Variants in CNTNAP2 observed in about 807,000 individuals in gnomAD.
CNTNAP2 encodes the protein contactin associated protein 2, also known as contactin-associated protein-like 2.
Under a neutral mutation model 155.2 loss-of-function variants are expected in CNTNAP2, and 98 were observed. That is an observed-to-expected ratio of 0.63 (90% CI 0.54 to 0.75). The LOEUF (loss-of-function observed/expected upper bound fraction) is 0.75, where lower values mean the gene tolerates loss of function less well. Among genes scored for constraint, CNTNAP2 ranks in the 30% least tolerant of loss-of-function variants. The probability of loss-of-function intolerance (pLI) is 0.00; values close to 1 mark genes in which losing one functional copy is unlikely to be tolerated. For synonymous variants in CNTNAP2, 651 were observed against 631.2 expected (o/e 1.03, Z -0.47); for missense variants, 1,727 against 1,688.1 (o/e 1.02, Z -0.40).
chr7:147,273,852 A>C (rs1804824503), intron 8 of CNTNAP2, among the ~76,000 whole-genome samples: 1 of 147,630 alleles, frequency 6.8e-6, no homozygotes, highest in Admixed American at 6.8e-5. Flanking sequence ...TTAAACATAT[A>C]TAAATATATA....
At chr7:146,222,812 C>T (rs534418435) in intron 1 of CNTNAP2, among the ~76,000 whole-genome samples, 45 of 151,778 alleles carry the variant, frequency 3.0e-4, no homozygotes, top group African/African-American at 7.5e-4. Flanking sequence ...CCCGCCACCA[C>T]GCCCAGCTAA....
intron 1 of CNTNAP2, among the ~76,000 whole-genome samples, chr7:146,677,174 C>T (rs534077958): frequency 3.9e-5 from 6 of 152,138 alleles, no homozygotes; most frequent in South Asian, 2.1e-4. Context: ...CCATGTTATA[C>T]GTGGAACTGG....
chr7:147,204,035 G>C (rs1027724371), intron 8 of CNTNAP2, among the ~76,000 whole-genome samples: 1 of 151,812 alleles, frequency 6.6e-6, no homozygotes, highest in African/African-American at 2.4e-5. Flanking sequence ...GTAATGTAAA[G>C]CTCTTAACTT....
intron 10 of CNTNAP2, among the ~76,000 whole-genome samples, chr7:147,397,508 A>G (rs1780303963): frequency 2.0e-5 from 3 of 152,084 alleles, no homozygotes; most frequent in South Asian, 4.2e-4. Context: ...GCTAGGTAAT[A>G]TGTTGCTGTT....
intron 3 of CNTNAP2, among the ~76,000 whole-genome samples, chr7:147,000,753 G>A (rs1030175478): frequency 6.6e-6 from 1 of 152,124 alleles, no homozygotes; most frequent in Non-Finnish European, 1.5e-5. Context: ...TGTGCTTGAA[G>A]CCCATAGTTG....
chr7:147,216,396 G>A (rs959880216), intron 8 of CNTNAP2, among the ~76,000 whole-genome samples: 1 of 151,972 alleles, frequency 6.6e-6, no homozygotes, highest in East Asian at 1.9e-4. Flanking sequence ...ACTATTTTCT[G>A]TGTGGATGTC....
At chr7:147,077,463 C>T (rs770691408) in intron 4 of CNTNAP2, among the ~76,000 whole-genome samples, 4 of 152,224 alleles carry the variant, frequency 2.6e-5, no homozygotes, top group South Asian at 2.1e-4. Context: ...GGTGATGAGC[C>T]GTTTCATATT....
intron 8 of CNTNAP2, among the ~76,000 whole-genome samples, chr7:147,213,510 T>G (rs906490497): frequency 3.3e-5 from 5 of 152,090 alleles, no homozygotes; most frequent in Admixed American, 1.3e-4. Flanking sequence ...CAATGCATTT[T>G]TCTCACAAAT....
chr7:148,223,139 C>A (rs1445342460), intron 19 of CNTNAP2, among the ~76,000 whole-genome samples: 1 of 152,202 alleles, frequency 6.6e-6, no homozygotes, highest in Non-Finnish European at 1.5e-5. Context: ...TTTATGCCTG[C>A]AATACTCCCT....
intron 12 of CNTNAP2, among the ~76,000 whole-genome samples, chr7:147,608,053 G>T (rs1414104363): frequency 2.6e-5 from 4 of 151,990 alleles, no homozygotes; most frequent in Non-Finnish European, 4.4e-5. Context: ...CATAAAATTT[G>T]TTATTCATCT....
chr7:147,132,108 C>A, intron 7 of CNTNAP2, 137 bp from the exon 8 acceptor site: 2 of 1,095,882 alleles, frequency 1.8e-6, no homozygotes, highest in Non-Finnish European at 2.7e-6. Context: ...TGAATCCATG[C>A]TCTGCTGCTG....
intron 20 of CNTNAP2, among the ~76,000 whole-genome samples, chr7:148,242,060 A>C (rs1158024199): frequency 3.9e-5 from 6 of 152,166 alleles, no homozygotes; most frequent in Non-Finnish European, 7.4e-5. Flanking sequence ...CTCCAAGTGC[A>C]TTAAATACAT....
intron 1 of CNTNAP2, among the ~76,000 whole-genome samples, chr7:146,123,989 A>T (rs1310458647): frequency 6.6e-6 from 1 of 152,168 alleles, no homozygotes; most frequent in Non-Finnish European, 1.5e-5. Context: ...TCAGCAAACT[A>T]ACACAGGAAC....
At chr7:146,601,100 CT>C (rs1286166568) in intron 1 of CNTNAP2, among the ~76,000 whole-genome samples, 1 of 152,034 alleles carries the variant, frequency 6.6e-6, no homozygotes, top group South Asian at 2.1e-4. Context: ...TATATCTCCC[CT>C]GATATCTTAA....
intron 14 of CNTNAP2, among the ~76,000 whole-genome samples, chr7:147,913,515 A>G (rs1800105016): frequency 6.6e-6 from 1 of 152,208 alleles, no homozygotes; most frequent in Admixed American, 6.5e-5. Context: ...TTAGGGCCCA[A>G]CAACAGGCAG....
At chr7:147,503,928 A>T (rs937111218) in intron 11 of CNTNAP2, among the ~76,000 whole-genome samples, 2 of 152,072 alleles carry the variant, frequency 1.3e-5, no homozygotes, top group Admixed American at 6.6e-5. Context: ...GGGAGAGGAG[A>T]GTATGTTAGG....
intron 1 of CNTNAP2, among the ~76,000 whole-genome samples, chr7:146,392,662 A>T (rs1795561664): frequency 1.3e-5 from 2 of 152,154 alleles, no homozygotes; most frequent in Non-Finnish European, 2.9e-5. Flanking sequence ...TAAGCATCAC[A>T]CAAGAATATA....
chr7:146,381,250 A>G (rs570006189), intron 1 of CNTNAP2, among the ~76,000 whole-genome samples: 44 of 152,342 alleles, frequency 2.9e-4, no homozygotes, highest in African/African-American at 1.0e-3. Flanking sequence ...TGAGATTGCT[A>G]CATAGGAAAT....
intron 13 of CNTNAP2, among the ~76,000 whole-genome samples, chr7:147,708,448 G>T (rs1447955712): frequency 2.6e-5 from 4 of 152,164 alleles, no homozygotes; most frequent in African/African-American, 9.7e-5. Context: ...CTCCCAGGCA[G>T]GATGGTAGGG....
Sources: gnomAD v4.1 joint callset for allele counts (sites outside exome capture counted in the v4.1 genomes callset) on GRCh38, gnomAD v4.1.1 for gene constraint, MANE v1.5 for transcripts, NCBI Gene and HGNC (gene_info 2026-07-23, HGNC 2026-07-21) for gene names.